Variants in ALK observed in about 807,000 individuals in gnomAD.
ALK encodes ALK tyrosine kinase receptor.
Under a neutral mutation model 163.1 loss-of-function variants are expected in ALK, and 74 were observed. That is an observed-to-expected ratio of 0.45 (90% CI 0.38 to 0.55). The LOEUF (loss-of-function observed/expected upper bound fraction) is 0.55, where lower values mean the gene tolerates loss of function less well. ALK is among the 20% of genes least tolerant of loss of function. The pLI, the probability that ALK is intolerant of heterozygous loss-of-function variation, is 0.00. For missense variants in ALK, 2,063 were observed against 2,105.3 expected, an observed-to-expected ratio of 0.98 and a Z score of 0.39; for synonymous variants, 960 against 843.2, an observed-to-expected ratio of 1.14 and a Z score of -2.40.
chr2:29,916,897 AC>A (rs1340744216), intron 1 of ALK, among the ~76,000 whole-genome samples: 1 of 152,184 alleles, frequency 6.6e-6, no homozygotes, highest in Non-Finnish European at 1.5e-5. Context: ...AACCATTAAT[AC>A]AGTCCCAGAA....
At chr2:29,577,943 C>A (rs1674571493) in intron 3 of ALK, among the ~76,000 whole-genome samples, 1 of 152,178 alleles carries the variant, frequency 6.6e-6, no homozygotes, top group Non-Finnish European at 1.5e-5. Context: ...GCGGCACTGG[C>A]AGGCCCAGGG....
chr2:29,887,805 G>C (rs1226567586), intron 1 of ALK, among the ~76,000 whole-genome samples: 1 of 152,116 alleles, frequency 6.6e-6, no homozygotes, highest in Non-Finnish European at 1.5e-5. Flanking sequence ...TCTCATTCCT[G>C]GTTAGCTTCA....
intron 4 of ALK, among the ~76,000 whole-genome samples, chr2:29,468,810 C>T (rs1300308936): frequency 7.4e-6 from 1 of 134,448 alleles, no homozygotes; most frequent in Non-Finnish European, 1.5e-5. Context: ...GCTATGATCA[C>T]ACCACTGCAC....
chr2:29,703,218 A>G (rs1282094283), intron 2 of ALK, among the ~76,000 whole-genome samples: 1 of 152,196 alleles, frequency 6.6e-6, no homozygotes, highest in Non-Finnish European at 1.5e-5. Flanking sequence ...TTCTGTCTCC[A>G]GTTATCTTGA....
chr2:29,460,751 TC>T (rs1192002344), intron 4 of ALK, among the ~76,000 whole-genome samples: 3 of 152,108 alleles, frequency 2.0e-5, no homozygotes, highest in Non-Finnish European at 2.9e-5. Context: ...TTGAGACACA[TC>T]ATATTTAAAT....
At chr2:29,777,506 C>A (rs1368224785) in intron 1 of ALK, among the ~76,000 whole-genome samples, 3 of 152,158 alleles carry the variant, frequency 2.0e-5, no homozygotes, top group Admixed American at 6.5e-5. Flanking sequence ...CTAGGGTCTT[C>A]TACCACCCAG....
At chr2:29,438,637 G>T (rs1403414896) in intron 4 of ALK, among the ~76,000 whole-genome samples, 1 of 152,152 alleles carries the variant, frequency 6.6e-6, no homozygotes, top group East Asian at 1.9e-4. Flanking sequence ...ATGGTTGAAG[G>T]CTACTCTCCC....
intron 1 of ALK, among the ~76,000 whole-genome samples, chr2:29,858,140 C>G (rs886248715): frequency 6.6e-6 from 1 of 152,132 alleles, no homozygotes; most frequent in East Asian, 1.9e-4. Flanking sequence ...TCCATCACCA[C>G]AGTCAGGATT....
intron 4 of ALK, among the ~76,000 whole-genome samples, chr2:29,427,216 A>C (rs1172282216): frequency 3.3e-5 from 5 of 152,082 alleles, no homozygotes; most frequent in African/African-American, 1.2e-4. Flanking sequence ...TAATTTTAAC[A>C]TACAAAAAAA....
intron 9 of ALK, among the ~76,000 whole-genome samples, chr2:29,295,328 G>A (rs544659247): frequency 6.6e-6 from 1 of 151,962 alleles, no homozygotes; most frequent in South Asian, 2.1e-4. Flanking sequence ...TTGCTGGATT[G>A]AGGAGAAAAA....
At chr2:29,259,917 A>C (rs893728115) in intron 11 of ALK, among the ~76,000 whole-genome samples, 8 of 152,188 alleles carry the variant, frequency 5.3e-5, no homozygotes, top group African/African-American at 1.9e-4. Flanking sequence ...GGACTTTAAA[A>C]TAAAAAGAAA....
intron 9 of ALK, among the ~76,000 whole-genome samples, chr2:29,296,235 T>C (rs1573202732): frequency 6.6e-6 from 1 of 152,294 alleles, no homozygotes; most frequent in East Asian, 1.9e-4. Context: ...AGAGCCCAAA[T>C]AGGAACTAAG....
chr2:29,719,259 T>A (rs1351391498), intron 1 of ALK, among the ~76,000 whole-genome samples: 1 of 152,270 alleles, frequency 6.6e-6, no homozygotes, highest in Non-Finnish European at 1.5e-5. Flanking sequence ...GAAAGAATTT[T>A]GACTTTTCTC....
At chr2:29,692,282 T>C (rs2148287276) in intron 3 of ALK, among the ~76,000 whole-genome samples, 1 of 152,236 alleles carries the variant, frequency 6.6e-6, no homozygotes, top group Admixed American at 6.5e-5. Flanking sequence ...GGAGTACAAA[T>C]TGGTGTAACC....
At chr2:29,570,042 A>C (rs1194744481) in intron 3 of ALK, among the ~76,000 whole-genome samples, 3 of 152,186 alleles carry the variant, frequency 2.0e-5, no homozygotes, top group Non-Finnish European at 4.4e-5. Context: ...GTAGCCTAAC[A>C]CTGTGGAAAC....
chr2:29,860,797 G>C (rs1666267048), intron 1 of ALK, among the ~76,000 whole-genome samples: 1 of 152,074 alleles, frequency 6.6e-6, no homozygotes, highest in Non-Finnish European at 1.5e-5. Context: ...GAAATCAAAA[G>C]GGAAATTTAA....
intron 3 of ALK, among the ~76,000 whole-genome samples, chr2:29,649,563 C>T (rs1227451842): frequency 6.6e-6 from 1 of 152,114 alleles, no homozygotes; most frequent in Non-Finnish European, 1.5e-5. Context: ...ACAGATTTTT[C>T]TCTGGGGCAT....
intron 11 of ALK, among the ~76,000 whole-genome samples, chr2:29,261,052 T>G (rs1207800965): frequency 2.0e-5 from 3 of 152,176 alleles, no homozygotes; most frequent in African/African-American, 7.2e-5. Flanking sequence ...TCCAGCGCCT[T>G]CAGATCTGAC....
intron 1 of ALK, among the ~76,000 whole-genome samples, chr2:29,804,148 G>A (rs1001039279): frequency 2.6e-5 from 4 of 152,204 alleles, no homozygotes; most frequent in East Asian, 1.9e-4. Context: ...TGTGAAGCCC[G>A]CAGTTAGAAC....
Sources: gnomAD v4.1 joint callset for allele counts (sites outside exome capture counted in the v4.1 genomes callset) on GRCh38, gnomAD v4.1.1 for gene constraint, MANE v1.5 for transcripts, NCBI Gene and HGNC (gene_info 2026-07-23, HGNC 2026-07-21) for gene names.